The following PTCSC3 variants were observed in gnomAD, a reference collection of about 807,000 sequenced individuals.
PTCSC3 encodes papillary thyroid carcinoma susceptibility candidate 3 (non-protein coding).
intron 1 of PTCSC3, among the ~76,000 whole-genome samples, chr14:36,166,073 T>G (rs925800431): frequency 6.6e-6 from 1 of 152,222 alleles, no homozygotes; most frequent in African/African-American, 2.4e-5. Flanking sequence ...CATGCTTCTC[T>G]TATCAGTCAG....
intron 1 of PTCSC3, among the ~76,000 whole-genome samples, chr14:36,166,247 T>C (rs894798400): frequency 6.6e-6 from 1 of 152,160 alleles, no homozygotes; most frequent in African/African-American, 2.4e-5. Context: ...GCTTCCTCTG[T>C]CTTCAGATAA....
chr14:36,142,710 GGTTA>G (rs1373781678), intron 3 of PTCSC3, among the ~76,000 whole-genome samples: 5 of 151,286 alleles, frequency 3.3e-5, no homozygotes, highest in African/African-American at 7.3e-5. Flanking sequence ...ACATTGTGCA[GGTTA>G]GTTACATATG....
intron 2 of PTCSC3, among the ~76,000 whole-genome samples, chr14:36,156,295 T>C (rs1354146338): frequency 6.6e-6 from 1 of 152,236 alleles, no homozygotes; most frequent in Admixed American, 6.5e-5. Context: ...CTGATGTTTC[T>C]GAAGGGCATT....
chr14:36,139,603 A>G (rs1465680615), intron 3 of PTCSC3, among the ~76,000 whole-genome samples: 2 of 152,198 alleles, frequency 1.3e-5, no homozygotes, highest in Non-Finnish European at 2.9e-5. Flanking sequence ...ATGAATATAG[A>G]TTCTACATGC....
In PTCSC3 at chr14:36,147,030, C is replaced by T. The variant is rs183238328; in HGVS notation, n.322+6774G>A. 1.2e-4 allele frequency among the ~76,000 whole-genome samples: 19 copies of T among 152,322 alleles called. No homozygotes were observed. The East Asian group carries it at 3.7e-3, about 29-fold the overall frequency. ...ACTTGTAGAGTTTCTACTGAGAGAT[C>T]AGCTGTTAGTCTGATGGGCTTCCCT... On this transcript the variant is annotated intron_variant and non_coding_transcript_variant, in intron 3 of 3. Transcript: ENST00000556013.
chr14:36,168,360 AAT>A (rs147400390), intron 1 of PTCSC3, among the ~76,000 whole-genome samples: 7,688 of 113,266 alleles, frequency 0.068, 254 homozygotes, highest in East Asian at 0.15. Flanking sequence ...ATTGATTCTG[AAT>A]ATATATATAT....
At chr14:36,147,947 C>T (rs532474577) in intron 3 of PTCSC3, among the ~76,000 whole-genome samples, 36 of 151,834 alleles carry the variant, frequency 2.4e-4, no homozygotes, top group Admixed American at 3.9e-4. Context: ...TGCCCCTGCT[C>T]GGGGGGTGCC....
At chr14:36,158,424 T>A (rs903326999) in intron 2 of PTCSC3, among the ~76,000 whole-genome samples, 23 of 152,210 alleles carry the variant, frequency 1.5e-4, no homozygotes, top group African/African-American at 5.5e-4. Flanking sequence ...TTGAGATACG[T>A]CCCATCAATA....
chr14:36,162,502 C>T (rs1881987978), intron 2 of PTCSC3: 1 of 152,328 alleles, frequency 6.6e-6, no homozygotes, highest in Non-Finnish European at 1.5e-5. Flanking sequence ...ACCCCGTGCG[C>T]TTCCTGGGTG....
rs545794213 is a variant in PTCSC3 at position 36,158,436 on chromosome 14, G to A, written n.231+4188C>T. Among the ~76,000 whole-genome samples the A allele has an allele frequency of 3.3e-5, 5 of 152,108 alleles. No homozygotes were observed. In the South Asian group the frequency reaches 8.3e-4, roughly 25 times the overall value. On this transcript the variant is annotated intron_variant and non_coding_transcript_variant, in intron 2 of 3. Coordinates refer to ENST00000556013, the Ensembl canonical transcript of PTCSC3. Reference sequence around the variant, plus strand: ...ATTTTGAGATACGTCCCATCAATACGTGGTTCATTGAGAGTTTTTAGCATG... The same window carrying A: ...ATTTTGAGATACGTCCCATCAATACATGGTTCATTGAGAGTTTTTAGCATG...
At chr14:36,172,231 G>A (rs1882205853) in intron 1 of PTCSC3, among the ~76,000 whole-genome samples, 1 of 151,960 alleles carries the variant, frequency 6.6e-6, no homozygotes, top group South Asian at 2.1e-4. Flanking sequence ...AGGTTAGACA[G>A]TTTTTAGAAT....
chr14:36,174,166 CCAATT>C (rs1295963077), intron 1 of PTCSC3, among the ~76,000 whole-genome samples: 3 of 151,850 alleles, frequency 2.0e-5, no homozygotes, highest in African/African-American at 7.3e-5. Flanking sequence ...ATGATTTCTT[CCAATT>C]ATTTTTGCCT....
At chr14:36,163,864 G>A (rs1205261869) in intron 1 of PTCSC3, among the ~76,000 whole-genome samples, 1 of 152,178 alleles carries the variant, frequency 6.6e-6, no homozygotes, top group African/African-American at 2.4e-5. Context: ...GTAAGATTAA[G>A]TATTGTTTAA....
rs147765191 is a variant in PTCSC3, at chr14:36,140,265, T to C, written n.323-3909A>G. On this transcript the variant is annotated intron_variant and non_coding_transcript_variant, in intron 3 of 3. Coordinates refer to ENST00000556013, the Ensembl canonical transcript of PTCSC3. ...AGGGACATCTTAGTTGCTTTCCATT[T>C]GGGGCAATTATGAATAAAGCTGTTA... 6.4e-4 allele frequency among the ~76,000 whole-genome samples: 98 copies of C among 152,356 alleles called. No homozygotes were observed. The Middle Eastern group carries it at 0.01, about 16-fold the overall frequency.
At chr14:36,143,927 A>G (rs1468366556) in intron 3 of PTCSC3, among the ~76,000 whole-genome samples, 2 of 151,566 alleles carry the variant, frequency 1.3e-5, no homozygotes, top group African/African-American at 2.4e-5. Flanking sequence ...TCCTTTCCCC[A>G]TTGCTTGTTT....
intron 1 of PTCSC3, among the ~76,000 whole-genome samples, chr14:36,163,963 A>T (rs752257169): frequency 6.6e-6 from 1 of 152,206 alleles, no homozygotes; most frequent in South Asian, 2.1e-4. Flanking sequence ...ATTTATAACA[A>T]CAGACGGTGT....
rs73256195 is a variant in PTCSC3, at chr14:36,165,842, G to A, written n.172-3159C>T. Reference sequence around the variant, plus strand: ...CGTGGGAGGAACTTTCACATTTGGCGAGGCAAGTACAATTTTGTTAGGGCT... The same window carrying A: ...CGTGGGAGGAACTTTCACATTTGGCAAGGCAAGTACAATTTTGTTAGGGCT... On this transcript the variant is annotated intron_variant and non_coding_transcript_variant, in intron 1 of 3. Transcript: ENST00000556013. Among the ~76,000 whole-genome samples, 1,126 of 151,730 alleles carry A rather than the reference G, an allele frequency of 7.4e-3. 14 individuals are homozygous for A. The highest frequency in any genetic ancestry group is 0.025 in the African/African-American group (1,050 of 41,356).
intron 3 of PTCSC3, among the ~76,000 whole-genome samples, chr14:36,147,722 G>T (rs1881613678): frequency 1.3e-5 from 2 of 152,048 alleles, no homozygotes. Flanking sequence ...CGTTCCTTTG[G>T]AGGAGGAGAG....
At chr14:36,164,920 T>C (rs1882054729) in intron 1 of PTCSC3, among the ~76,000 whole-genome samples, 1 of 152,240 alleles carries the variant, frequency 6.6e-6, no homozygotes, top group African/African-American at 2.4e-5. Context: ...TACTACTTAA[T>C]GTCAAGTTAA....
Sources: gnomAD v4.1 joint callset for allele counts (sites outside exome capture counted in the v4.1 genomes callset) on GRCh38, gnomAD v4.1.1 for gene constraint, MANE v1.5 for transcripts, NCBI Gene and HGNC (gene_info 2026-07-23, HGNC 2026-07-21) for gene names.